Variants in ODAD2 observed in about 807,000 individuals in gnomAD.
ODAD2 encodes the protein outer dynein arm docking complex subunit 2, also known as outer dynein arm-docking complex subunit 2.
A neutral mutation model predicts 106.8 loss-of-function variants in ODAD2; 89 were observed. The observed-to-expected ratio is 0.83, with a 90% confidence interval of 0.70 to 0.99. ODAD2 has a LOEUF of 0.99. Among genes scored for constraint, ODAD2 ranks in the 50% least tolerant of loss-of-function variants. The pLI is 0.00. For missense variants in ODAD2, 1,168 were observed against 1,238.5 expected, an observed-to-expected ratio of 0.94 and a Z score of 0.85; for synonymous variants, 404 against 436.2, an observed-to-expected ratio of 0.93 and a Z score of 0.92.
chr10:27,967,484 C>A (rs1848557491), intron 9 of ODAD2, among the ~76,000 whole-genome samples: 1 of 152,212 alleles, frequency 6.6e-6, no homozygotes, highest in Non-Finnish European at 1.5e-5. Flanking sequence ...TGCCTGACCC[C>A]CCAGGCATCA....
chr10:27,944,686 C>T (rs1354261764), intron 11 of ODAD2, 130 bp downstream of exon 11: 11 of 1,146,942 alleles, frequency 9.6e-6, no homozygotes, highest in Non-Finnish European at 1.4e-5. Context: ...ACAGAATCAG[C>T]AGGTCATCAG....
rs114530399 is a variant in ODAD2 at position 27,892,279 on chromosome 10, C to T, written c.2610+15384G>A. ...GAAAAGATCTTAAATGGTAAATGTT[C>T]AAATAAAACTTCTTTAAAAATATGC... is the stretch of plus-strand genomic sequence containing the variant. On this transcript the variant is annotated intron_variant, in intron 17 of 19. Transcript: ENST00000305242. 9.6e-3 allele frequency among the ~76,000 whole-genome samples: 1,458 copies of T among 152,192 alleles called. 23 individuals are homozygous for T. The highest frequency in any genetic ancestry group is 0.033 in the African/African-American group (1,374 of 41,544).
At chr10:27,930,427 T>C (rs1332497048) in intron 16 of ODAD2, among the ~76,000 whole-genome samples, 1 of 151,946 alleles carries the variant, frequency 6.6e-6, no homozygotes, top group Non-Finnish European at 1.5e-5. Context: ...GGGAGGAGGA[T>C]TGCTTGAGCC....
intron 17 of ODAD2, among the ~76,000 whole-genome samples, chr10:27,880,581 G>A (rs1383279921): frequency 2.0e-5 from 3 of 152,180 alleles, no homozygotes; most frequent in African/African-American, 4.8e-5. Flanking sequence ...AGCTGATTAA[G>A]TCATGAGGAT....
intron 19 of ODAD2, among the ~76,000 whole-genome samples, chr10:27,838,846 C>T (rs759326402): frequency 6.6e-6 from 1 of 152,238 alleles, no homozygotes. Context: ...TTATTTGAAA[C>T]GGATCTTTTA....
intron 10 of ODAD2, among the ~76,000 whole-genome samples, chr10:27,951,110 T>C (rs1219161061): frequency 6.6e-6 from 1 of 152,176 alleles, no homozygotes; most frequent in Non-Finnish European, 1.5e-5. Context: ...TACTAAATTA[T>C]GTAAAAGATT....
chr10:27,843,178 G>A (rs990407531), intron 19 of ODAD2, among the ~76,000 whole-genome samples: 8 of 152,110 alleles, frequency 5.3e-5, no homozygotes, highest in African/African-American at 1.9e-4. Context: ...TGGTGTCATA[G>A]TTTATTTTTT....
At chr10:27,988,337 C>CT (rs5784035) in intron 2 of ODAD2, among the ~76,000 whole-genome samples, 2,441 of 128,732 alleles carry the variant, frequency 0.019, 38 homozygotes, top group Middle Eastern at 0.039. Context: ...CCTGATCTAG[C>CT]TTTTTTTTTT....
chr10:27,937,332 CT>C (rs1334891888), intron 14 of ODAD2, among the ~76,000 whole-genome samples: 6 of 141,158 alleles, frequency 4.3e-5, no homozygotes, highest in African/African-American at 1.7e-4. Flanking sequence ...TTCTTTCTTT[CT>C]TTTTTCTTTT....
rs1287196417 is a variant in ODAD2, at chr10:27,970,286, T to C, written c.1142+822A>G. Among the ~76,000 whole-genome samples, 6 of 152,268 alleles carry C rather than the reference T, an allele frequency of 3.9e-5. No individual in the cohort carries two copies. The South Asian group carries it at 1.0e-3, about 26-fold the overall frequency. ...ATTCATCAAGCCAGTGTCCACTTTATATAGGTCCATTCATATTTTTGAGAC... is the reference window on the plus strand; with the variant it reads ...ATTCATCAAGCCAGTGTCCACTTTACATAGGTCCATTCATATTTTTGAGAC... On this transcript the variant is annotated intron_variant, in intron 8 of 19. Coordinates refer to ENST00000305242, the MANE Select transcript of ODAD2 (RefSeq NM_018076.5).
intron 19 of ODAD2, among the ~76,000 whole-genome samples, chr10:27,823,718 C>T (rs1467052909): frequency 6.6e-6 from 1 of 152,114 alleles, no homozygotes; most frequent in East Asian, 1.9e-4. Context: ...TCCTGTTGGA[C>T]TGATCCAAAT....
chr10:27,944,895 G>C lies in ODAD2; in HGVS notation c.1454C>G (p.Thr485Ser), dbSNP rs763275340. ...SMRDFSLAQE[T>S]CQLAIRDVGG... Reference sequence around the variant, plus strand: ...AACATCTCTGATGGCCAACTGGCAGGTTTCTTGAGCTAAGCTGAAATCCCT... The same window carrying C: ...AACATCTCTGATGGCCAACTGGCAGCTTTCTTGAGCTAAGCTGAAATCCCT... Residue 485 changes from threonine to serine, a missense_variant, in exon 11 of 20, where the codon ACC becomes AGC. By Grantham distance (58) the Thr-to-Ser change is moderately conservative. This residue lies in a region of ODAD2 where 701 missense variants were observed against 712.3 expected (regional missense o/e 0.98). Coordinates refer to ENST00000305242, the MANE Select transcript of ODAD2 (RefSeq NM_018076.5). The C allele has an allele frequency of 3.1e-6, 5 of 1,614,062 alleles. No homozygotes were observed. The Admixed American group carries it at 5.0e-5, about 16-fold the overall frequency.
intron 6 of ODAD2, among the ~76,000 whole-genome samples, chr10:27,983,054 C>CTTCAATCGGGAGTA (rs2133115435): frequency 6.6e-6 from 1 of 152,340 alleles, no homozygotes; most frequent in East Asian, 1.9e-4. Context: ...TTCCTGCTGG[C>CTTCAATCGGGAGTA]CCACTGTCCC....
chr10:27,870,419 T>C (rs1454656774), intron 17 of ODAD2, among the ~76,000 whole-genome samples: 1 of 152,152 alleles, frequency 6.6e-6, no homozygotes, highest in African/African-American at 2.4e-5. Context: ...GTTTGTTACA[T>C]ATGCATACAT....
intron 19 of ODAD2, among the ~76,000 whole-genome samples, chr10:27,818,419 T>C (rs758896883): frequency 2.0e-5 from 3 of 152,146 alleles, no homozygotes; most frequent in Non-Finnish European, 2.9e-5. Flanking sequence ...TCCATTGTTA[T>C]ACAAAATATA....
chr10:27,924,017 A>AGAAAGAAAGAAAGAAG (rs1845032030), intron 16 of ODAD2, among the ~76,000 whole-genome samples: 1 of 142,222 alleles, frequency 7.0e-6, no homozygotes, highest in East Asian at 2.0e-4. Context: ...AAAGAAAGAA[A>AGAAAGAAAGAAAGAAG]GAAAGAAGGA....
chr10:27,841,030 T>C (rs1838269192), intron 19 of ODAD2, among the ~76,000 whole-genome samples: 1 of 152,324 alleles, frequency 6.6e-6, no homozygotes, highest in Non-Finnish European at 1.5e-5. Context: ...TAATTGATTG[T>C]TATTCTTTTT....
chr10:27,960,738 A>G (rs182418402), intron 10 of ODAD2, among the ~76,000 whole-genome samples: 96 of 152,358 alleles, frequency 6.3e-4, no homozygotes, highest in African/African-American at 2.3e-3. Flanking sequence ...TACATTGTGC[A>G]ATGATTAAAT....
rs150389104 is a variant in ODAD2, at chr10:27,901,693, C to T, written c.2610+5970G>A. ...TCTGATAAAACAGACTTTAAACCAA[C>T]AAAGATCAAAAAAGACAAAAAAGGG... On this transcript the variant is annotated intron_variant, in intron 17 of 19. Transcript: ENST00000305242. Among the ~76,000 whole-genome samples the T allele has an allele frequency of 4.3e-3, 649 of 152,022 alleles. 11 individuals are homozygous for T. Among genetic ancestry groups the T allele is most frequent in the East Asian group, 0.025 (127 of 5,150 alleles).
Sources: gnomAD v4.1 joint callset for allele counts (sites outside exome capture counted in the v4.1 genomes callset) on GRCh38, gnomAD v4.1.1 for gene constraint, gnomAD v4.1.1 regional missense constraint, MANE v1.5 for transcripts, NCBI Gene and HGNC (gene_info 2026-07-23, HGNC 2026-07-21) for gene names.